The following MMS22L variants were observed in gnomAD, a reference collection of about 807,000 sequenced individuals.
MMS22L encodes the protein MMS22 like, DNA repair protein.
A neutral mutation model predicts 159.1 loss-of-function variants in MMS22L; 74 were observed. The observed-to-expected ratio is 0.47, with a 90% CI of 0.39 to 0.56. The LOEUF (loss-of-function observed/expected upper bound fraction) is 0.56, where lower values mean the gene tolerates loss of function less well. Ranked by LOEUF, MMS22L falls within the 20% of genes least tolerant of loss-of-function variation. The pLI, the probability that MMS22L is intolerant of heterozygous loss-of-function variation, is 0.00. For missense variants in MMS22L, 1,351 were observed against 1,422.1 expected (o/e 0.95, Z 0.80); for synonymous variants, 517 against 506.9 (o/e 1.02, Z -0.27).
chr6:97,240,717 C>T (rs933021653), intron 11 of MMS22L, among the ~76,000 whole-genome samples: 3 of 152,032 alleles, frequency 2.0e-5, no homozygotes, highest in African/African-American at 7.2e-5. Context: ...ACCTCTGCCT[C>T]CCAGGTTCAA....
At chr6:97,190,695 A>G (rs993344244) in intron 14 of MMS22L, among the ~76,000 whole-genome samples, 2 of 152,150 alleles carry the variant, frequency 1.3e-5, no homozygotes, top group Non-Finnish European at 1.5e-5. Context: ...ATATGAGAAA[A>G]TTGAGACAAA....
intron 14 of MMS22L, among the ~76,000 whole-genome samples, chr6:97,188,447 C>T (rs992436659): frequency 1.2e-4 from 18 of 152,070 alleles, no homozygotes; most frequent in South Asian, 6.2e-4. Context: ...CTTTTAAAAT[C>T]GGAACAACTC....
intron 8 of MMS22L, chr6:97,263,659 A>G (rs146228582): frequency 5.4e-6 from 2 of 371,024 alleles, no homozygotes; most frequent in African/African-American, 4.2e-5. Flanking sequence ...TTTGATTTCA[A>G]CTTAAAAAAA....
chr6:97,282,919 C>G (rs1816901143), intron 1 of MMS22L, 177 bp downstream of exon 1: 1 of 154,306 alleles, frequency 6.5e-6, no homozygotes, highest in South Asian at 2.0e-4. Context: ...CTCCCCGGCT[C>G]GGGGTGGAAA....
intron 3 of MMS22L, 97 bp from the exon 4 acceptor site, chr6:97,278,995 C>A (rs928875611): frequency 3.0e-5 from 28 of 929,644 alleles, no homozygotes; most frequent in South Asian, 6.5e-5. Context: ...AGCTTCAATA[C>A]CTCTTTAATT....
intron 14 of MMS22L, among the ~76,000 whole-genome samples, chr6:97,191,129 C>G (rs1805820388): frequency 6.6e-6 from 1 of 152,138 alleles, no homozygotes; most frequent in Non-Finnish European, 1.5e-5. Context: ...ATTTTGCCCC[C>G]ACCTCTCTAC....
intron 15 of MMS22L, among the ~76,000 whole-genome samples, chr6:97,182,934 C>T (rs1170325499): frequency 1.3e-5 from 2 of 152,138 alleles, no homozygotes; most frequent in African/African-American, 4.8e-5. Context: ...ATCATGCTCT[C>T]CAACAGCACT....
At chr6:97,245,142 T>C (rs1288969123) in intron 11 of MMS22L, among the ~76,000 whole-genome samples, 1 of 151,960 alleles carries the variant, frequency 6.6e-6, no homozygotes, top group Non-Finnish European at 1.5e-5. Context: ...TATTTATCCA[T>C]ATAAACCTTT....
chr6:97,205,928 A>G (rs1472351512), intron 14 of MMS22L, among the ~76,000 whole-genome samples: 1 of 152,236 alleles, frequency 6.6e-6, no homozygotes, highest in Non-Finnish European at 1.5e-5. Flanking sequence ...CTTTGTAATA[A>G]TAACTCCACA....
intron 19 of MMS22L, among the ~76,000 whole-genome samples, chr6:97,170,955 G>A (rs1803482922): frequency 6.6e-6 from 1 of 152,118 alleles, no homozygotes; most frequent in Non-Finnish European, 1.5e-5. Flanking sequence ...GCGGTGAGCT[G>A]AGATCACGTC....
chr6:97,265,992 T>C (rs901378996), intron 8 of MMS22L: 3 of 152,212 alleles, frequency 2.0e-5, no homozygotes, highest in Non-Finnish European at 4.4e-5. Context: ...AGTGCTGGGA[T>C]TACAGGCGTG....
intron 22 of MMS22L, among the ~76,000 whole-genome samples, chr6:97,157,762 A>T (rs994777243): frequency 6.6e-6 from 1 of 152,206 alleles, no homozygotes; most frequent in African/African-American, 2.4e-5. Flanking sequence ...TTCATCAGGG[A>T]TATTGATCTA....
At chr6:97,162,227 G>T (rs1488858659) in intron 21 of MMS22L, 62 bp from the exon 22 acceptor site, 13 of 1,449,306 alleles carry the variant, frequency 9.0e-6, no homozygotes, top group Non-Finnish European at 1.1e-5. Context: ...AGACCAAATG[G>T]CATATAATTT....
chr6:97,237,366 C>G (rs1811532290), intron 11 of MMS22L, among the ~76,000 whole-genome samples: 1 of 152,100 alleles, frequency 6.6e-6, no homozygotes, highest in South Asian at 2.1e-4. Flanking sequence ...CAGCAATGCA[C>G]AATTTTTTTT....
At chr6:97,149,825 C>T (rs773997150) in intron 24 of MMS22L, 28 bp downstream of exon 24, 2 of 1,549,136 alleles carry the variant, frequency 1.3e-6, no homozygotes, top group Admixed American at 1.9e-5. Flanking sequence ...CACTGCCCCC[C>T]CCAATGTAAT....
At chr6:97,239,835 G>A (rs1244085962) in intron 11 of MMS22L, among the ~76,000 whole-genome samples, 2 of 152,170 alleles carry the variant, frequency 1.3e-5, no homozygotes, top group Non-Finnish European at 2.9e-5. Context: ...GAGCTCAGGA[G>A]TTCAAGGTTA....
At chr6:97,229,544 T>C (rs1810632880) in intron 13 of MMS22L, 141 bp from the exon 14 acceptor site, 4 of 625,818 alleles carry the variant, frequency 6.4e-6, no homozygotes, top group Non-Finnish European at 1.0e-5. Flanking sequence ...GCCTTGTCAC[T>C]TTTTTTACTT....
intron 11 of MMS22L, among the ~76,000 whole-genome samples, chr6:97,236,147 G>A (rs1811374036): frequency 6.6e-6 from 1 of 151,846 alleles, no homozygotes. Context: ...GGCCAACATG[G>A]CGAAACCCCA....
At chr6:97,149,691 A>G (rs1304070662) in intron 24 of MMS22L, among the ~76,000 whole-genome samples, 162 bp downstream of exon 24, 1 of 152,224 alleles carries the variant, frequency 6.6e-6, no homozygotes, top group Non-Finnish European at 1.5e-5. Context: ...TGCTACTTCT[A>G]TTCACACTTT....
Sources: allele counts gnomAD v4.1 joint callset (sites outside exome capture counted in the v4.1 genomes callset), GRCh38; gene constraint gnomAD v4.1.1; transcripts MANE v1.5; gene names NCBI Gene and HGNC (gene_info 2026-07-23, HGNC 2026-07-21).